Variants in CLIP1 observed in about 807,000 individuals in gnomAD.
CLIP1 encodes CAP-Gly domain-containing linker protein 1.
Under a neutral mutation model 161.6 loss-of-function variants are expected in CLIP1, and 66 were observed. The ratio of observed to expected loss-of-function variants is 0.41; its 90% CI spans 0.33 to 0.50. CLIP1 has a LOEUF of 0.50. Among genes scored for constraint, CLIP1 ranks in the 20% least tolerant of loss-of-function variants. CLIP1 has a pLI of 0.27. For missense variants in CLIP1, 1,376 were observed against 1,702.0 expected, an observed-to-expected ratio of 0.81 and a Z score of 3.37; for synonymous variants, 598 against 626.2, an observed-to-expected ratio of 0.96 and a Z score of 0.67.
At chr12:122,362,103 G>A (rs1219975648) in intron 4 of CLIP1, among the ~76,000 whole-genome samples, 1 of 151,190 alleles carries the variant, frequency 6.6e-6, no homozygotes, top group Non-Finnish European at 1.5e-5. Flanking sequence ...ACAGGCACAC[G>A]CCACCCTGCC....
intron 3 of CLIP1, among the ~76,000 whole-genome samples, chr12:122,369,009 C>T (rs7310223): frequency 0.99 from 150,349 of 151,908 alleles, 74,424 homozygotes; most frequent in East Asian, 1. Flanking sequence ...AGCCAAAGCA[C>T]GGTACTTTTT....
At chr12:122,352,140 C>T (rs1028240112) in intron 8 of CLIP1, among the ~76,000 whole-genome samples, 1 of 151,606 alleles carries the variant, frequency 6.6e-6, no homozygotes, top group African/African-American at 2.4e-5. Flanking sequence ...TCACTGCAAC[C>T]TCCACCTCCT....
intron 1 of CLIP1, among the ~76,000 whole-genome samples, chr12:122,386,078 G>C (rs542962887): frequency 1.4e-4 from 21 of 152,264 alleles, no homozygotes; most frequent in South Asian, 1.2e-3. Context: ...CTGAGGTCAG[G>C]AGTTCGAGAC....
intron 1 of CLIP1, among the ~76,000 whole-genome samples, chr12:122,391,856 G>A (rs1955676010): frequency 6.6e-6 from 1 of 152,168 alleles, no homozygotes; most frequent in Admixed American, 6.5e-5. Context: ...ACCACCACCA[G>A]TCCATACAAG....
intron 2 of CLIP1, among the ~76,000 whole-genome samples, 158 bp from the exon 3 acceptor site, chr12:122,378,118 G>A (rs753027098): frequency 2.6e-5 from 4 of 152,116 alleles, no homozygotes; most frequent in South Asian, 2.1e-4. Flanking sequence ...AGACAGTCTC[G>A]CTCTGTCGCC....
At chr12:122,342,940 C>CAA (rs1952572978) in intron 10 of CLIP1, 1 of 150,466 alleles carries the variant, frequency 6.6e-6, no homozygotes, top group South Asian at 2.1e-4. Context: ...ATTATTAAAA[C>CAA]TAATTTAACT....
At chr12:122,306,998 CTTTTTTTTTT>C (rs56949793) in intron 20 of CLIP1, among the ~76,000 whole-genome samples, 28 of 81,014 alleles carry the variant, frequency 3.5e-4, no homozygotes, top group African/African-American at 1.1e-3. Context: ...GGTAAGTTCA[CTTTTTTTTTT>C]TTTTTTTTTT....
chr12:122,403,599 A>G lies in CLIP1; in HGVS notation c.-107+18922T>C, dbSNP rs138828477. On this transcript the variant is annotated intron_variant, in intron 1 of 25. Transcript: ENST00000620786. ...AGTGGCATGATCTCGACTCACTGCA[A>G]CCTCTGCCTCCTGGGTTCAAGCGAT... 1.9e-3 allele frequency among the ~76,000 whole-genome samples: 289 copies of G among 148,646 alleles called. 1 individual carries two copies. The highest frequency in any genetic ancestry group is 6.7e-3 in the African/African-American group (271 of 40,432).
At chr12:122,358,847 G>A (rs1953637573) in intron 5 of CLIP1, among the ~76,000 whole-genome samples, 1 of 152,020 alleles carries the variant, frequency 6.6e-6, no homozygotes, top group South Asian at 2.1e-4. Context: ...GATCACCTGA[G>A]GTCAGGTGTT....
chr12:122,398,449 A>G (rs1956013972), intron 1 of CLIP1, among the ~76,000 whole-genome samples: 1 of 151,838 alleles, frequency 6.6e-6, no homozygotes, highest in South Asian at 2.1e-4. Flanking sequence ...AATTAATTTT[A>G]AGGACGAGCC....
At chr12:122,345,256 G>A (rs1952691324) in intron 10 of CLIP1, among the ~76,000 whole-genome samples, 1 of 151,060 alleles carries the variant, frequency 6.6e-6, no homozygotes, top group Non-Finnish European at 1.5e-5. Context: ...CTCACTGCAA[G>A]CCTCGACCTC....
chr12:122,336,898 TAAG>T (rs1952251513), intron 11 of CLIP1, 150 bp from the exon 12 acceptor site: 1 of 459,494 alleles, frequency 2.2e-6, no homozygotes, highest in African/African-American at 2.0e-5. Context: ...TTTTTAATTC[TAAG>T]AAGTCAATGA....
intron 14 of CLIP1, 138 bp from the exon 15 acceptor site, chr12:122,333,281 A>G (rs1399320564): frequency 4.6e-6 from 3 of 648,934 alleles, no homozygotes; most frequent in Non-Finnish European, 7.8e-6. Flanking sequence ...AAGAAGGCAC[A>G]CAATAAGCAA....
At chr12:122,310,552 G>T (rs1370449179) in intron 19 of CLIP1, among the ~76,000 whole-genome samples, 2 of 152,136 alleles carry the variant, frequency 1.3e-5, no homozygotes, top group African/African-American at 4.8e-5. Context: ...CTTATACCGT[G>T]AATATCAGCA....
chr12:122,373,855 CTA>C (rs1467610679), intron 3 of CLIP1, among the ~76,000 whole-genome samples: 1 of 152,114 alleles, frequency 6.6e-6, no homozygotes, highest in East Asian at 1.9e-4. Context: ...TAAGACCTCA[CTA>C]TGTGTGTGTT....
At chr12:122,397,642 C>T (rs922225290) in intron 1 of CLIP1, among the ~76,000 whole-genome samples, 2 of 148,622 alleles carry the variant, frequency 1.3e-5, no homozygotes, top group African/African-American at 4.9e-5. Context: ...AAATATGTAT[C>T]CTAAACTTTT....
chr12:122,272,695 T>C lies in CLIP1; in HGVS notation c.*180A>G. The C allele has an allele frequency of 1.7e-6, 1 of 598,402 alleles. No homozygotes were observed. The highest frequency in any genetic ancestry group is 3.0e-6 in the Non-Finnish European group (1 of 334,540). The allele number at this position is 598,402 out of a possible 1,614,324, so 37.1% of individuals were successfully genotyped here. A position where few individuals can be genotyped will look rare whatever the true frequency, so the allele number is the denominator to read the frequency against. ...AAACTCACCTACTAAATATTTATTATTCTAACTCATACGGGGAGACTAAAG... is the reference window on the plus strand; with the variant it reads ...AAACTCACCTACTAAATATTTATTACTCTAACTCATACGGGGAGACTAAAG... On this transcript the variant is annotated 3_prime_UTR_variant, in exon 26 of 26. Coordinates refer to ENST00000620786, the MANE Select transcript of CLIP1 (RefSeq NM_001247997.2).
chr12:122,321,693 AT>A (rs1951511415), intron 17 of CLIP1, among the ~76,000 whole-genome samples: 1 of 151,260 alleles, frequency 6.6e-6, no homozygotes, highest in Admixed American at 6.6e-5. Context: ...TAATTACTGT[AT>A]TTTTTGTAGA....
intron 1 of CLIP1, among the ~76,000 whole-genome samples, chr12:122,385,105 G>C (rs1040456402): frequency 6.6e-6 from 1 of 151,836 alleles, no homozygotes; most frequent in African/African-American, 2.4e-5. Context: ...GCTAAATTTT[G>C]TATTTTTAGT....
Sources: allele counts gnomAD v4.1 joint callset (sites outside exome capture counted in the v4.1 genomes callset), GRCh38; gene constraint gnomAD v4.1.1; transcripts MANE v1.5; gene names NCBI Gene and HGNC (gene_info 2026-07-23, HGNC 2026-07-21).